The following VCPIP1 variants were observed in gnomAD, a reference collection of about 807,000 sequenced individuals.
The protein encoded by VCPIP1 is valosin containing protein interacting protein 1, also known as deubiquitinating protein VCPIP1.
A neutral mutation model predicts 85.0 loss-of-function variants in VCPIP1; 8 were observed. The ratio of observed to expected loss-of-function variants is 0.09; its 90% confidence interval spans 0.06 to 0.17. The LOEUF is 0.17. VCPIP1 is among the 10% of genes least tolerant of loss of function. The pLI, the probability that VCPIP1 is intolerant of heterozygous loss-of-function variation, is 1.00. For missense variants in VCPIP1, 1,070 were observed against 1,486.3 expected (o/e 0.72, Z 4.61); for synonymous variants, 543 against 544.5 (o/e 1.00, Z 0.04).
Position 66,667,217 on chromosome 8 carries a change from C to T in VCPIP1, c.-259G>A. On this transcript the variant is annotated 5_prime_UTR_variant, in exon 1 of 3. Coordinates refer to ENST00000310421, the MANE Select transcript of VCPIP1 (RefSeq NM_025054.5). Reference sequence around the variant, plus strand: ...ACTCACACTCACTCACTCTCGCTCTCTCTCCCTCAGACACAGACATACACG... The same window carrying T: ...ACTCACACTCACTCACTCTCGCTCTTTCTCCCTCAGACACAGACATACACG... 2 of 643,562 alleles carry T rather than the reference C, an allele frequency of 3.1e-6. No homozygotes were observed. The highest frequency in any genetic ancestry group is 4.9e-6 in the Non-Finnish European group (2 of 411,122). 39.9% of individuals were successfully genotyped at this position (643,562 alleles called of 1,614,324 possible).
chr8:66,644,554 A>G (rs1234449023), intron 2 of VCPIP1, among the ~76,000 whole-genome samples: 1 of 152,182 alleles, frequency 6.6e-6, no homozygotes, highest in East Asian at 1.9e-4. Flanking sequence ...TCAATCTTAC[A>G]AAAGGTATCT....
At chr8:66,637,564 T>G (rs1375197443) in intron 2 of VCPIP1, among the ~76,000 whole-genome samples, 1 of 147,562 alleles carries the variant, frequency 6.8e-6, no homozygotes, top group Non-Finnish European at 1.5e-5. Context: ...TGTTTAGGGG[T>G]TTTTTTTGGC....
chr8:66,643,334 A>C (rs995677801), intron 2 of VCPIP1, among the ~76,000 whole-genome samples: 1 of 150,430 alleles, frequency 6.6e-6, no homozygotes, highest in African/African-American at 2.5e-5. Context: ...GAAAGAAAAA[A>C]AAAAGATGTT....
chr8:66,666,167 A>G lies in VCPIP1; in HGVS notation c.792T>C (p.Ala264=). 1 of 1,614,192 alleles carries G rather than the reference A, an allele frequency of 6.2e-7. No homozygotes were observed. The highest frequency in any genetic ancestry group is 8.5e-7 in the Non-Finnish European group (1 of 1,180,040). ...ACTCATTGATAATGTCCTCCCACTC[A>G]GCAGCATCAATGAAGTCATGGAACA... ...QALFHDFIDA[A]EWEDIINECD... Residue 264 remains alanine, a synonymous_variant, in exon 1 of 3, where the codon GCT becomes GCC. Coordinates refer to ENST00000310421, the MANE Select transcript of VCPIP1 (RefSeq NM_025054.5). This position sits in a 1 kb window ranked among gnomAD's most constrained non-coding sequence, Gnocchi z 6.3.
chr8:66,643,507 G>A (rs901577878), intron 2 of VCPIP1, among the ~76,000 whole-genome samples: 110 of 151,214 alleles, frequency 7.3e-4, no homozygotes, highest in African/African-American at 2.6e-3. Context: ...TTCAAGACTG[G>A]CCTGGCTAAC....
intron 2 of VCPIP1, among the ~76,000 whole-genome samples, chr8:66,650,886 A>T (rs1351802823): frequency 1.3e-5 from 2 of 149,390 alleles, no homozygotes; most frequent in African/African-American, 4.9e-5. Flanking sequence ...AAAAAAAAAA[A>T]AAAGAATCAT....
rs1476779418 is a variant in VCPIP1, at chr8:66,664,940, G to T, written c.2019C>A (p.Ala673=). ...GTCCTTGAACATCTCCAACTCTTTG[G>T]GCGTGAGCACCATCTATATTTACAG... ...YTPVNIDGAH[A]QRVGDVQGQE... is the part of the protein sequence containing the mutation. The change falls in exon 1 of 3, where the codon GCC becomes GCA. Residue 673 remains alanine (A), a synonymous_variant. Transcript: ENST00000310421. 1 of 1,613,934 alleles carries T rather than the reference G, an allele frequency of 6.2e-7. No homozygotes were observed. Among genetic ancestry groups the T allele is most frequent in the East Asian group, 2.2e-5 (1 of 44,882 alleles).
In VCPIP1 at chr8:66,665,076, T is replaced by C. The variant is rs1811194919; in HGVS notation, c.1883A>G (p.Lys628Arg). The C allele has an allele frequency of 1.2e-6, 2 of 1,613,958 alleles. No homozygotes were observed. The highest frequency in any genetic ancestry group is 1.7e-6 in the Non-Finnish European group (2 of 1,179,980). The change falls in exon 1 of 3, where the codon AAA becomes AGA. Residue 628 changes from lysine to arginine, a missense_variant. This residue lies in a region of VCPIP1 where 123 missense variants were observed against 156.3 expected (regional missense o/e 0.79). Coordinates refer to ENST00000310421, the MANE Select transcript of VCPIP1 (RefSeq NM_025054.5). This position sits in a 1 kb window ranked among gnomAD's most constrained non-coding sequence, Gnocchi z 4.3. ...ACCTGGAAAGTGCTTGGTAACAAGT[T>C]TCATTGCAACATCGTAAACATTACT... is the stretch of plus-strand genomic sequence containing the variant. ...LNSNVYDVAMKLVTKHFPGEF... is the reference protein window; with the variant it reads ...LNSNVYDVAMRLVTKHFPGEF...
chr8:66,664,857 G>A lies in VCPIP1; in HGVS notation c.2102C>T (p.Thr701Ile). The A allele has an allele frequency of 1.2e-6, 2 of 1,614,060 alleles. No homozygotes were observed. Among genetic ancestry groups the A allele is most frequent in the Non-Finnish European group, 1.7e-6 (2 of 1,180,006 alleles). Residue 701 changes from threonine (T) to isoleucine (I), a missense_variant, in exon 1 of 3, where the codon ACT (threonine) becomes ATT (isoleucine). Physicochemically the swap from Thr to Ile is moderately conservative, Grantham distance 89. Around this residue, in one of 8 missense-constraint regions of VCPIP1, gnomAD observed 278 missense variants for 298.5 expected, o/e 0.93. Transcript: ENST00000310421. The part of the protein sequence containing the change: ...KIILTGQKTK[T>I]LHKEELNMSK... ...CATGTTTAACTCCTCCTTGTGCAAA[G>A]TTTTTGTTTTCTGTCCAGTAAGAAT...
chr8:66,666,932 A>AGGCGGC lies in VCPIP1; in HGVS notation c.21_26dup (p.Pro9_Pro10dup), dbSNP rs760029763. 2.0e-4 allele frequency: 311 copies of AGGCGGC among 1,581,348 alleles called. 1 individual carries two copies. The East Asian group carries it at 5.7e-3, about 29-fold the overall frequency. On this transcript the variant is annotated inframe_insertion, in exon 1 of 3. Coordinates refer to ENST00000310421, the MANE Select transcript of VCPIP1 (RefSeq NM_025054.5). The surrounding 1 kb of genome is among the most constrained non-coding windows in gnomAD (Gnocchi z 6.3). ...GGGGAGGAGGTGGCGGCGGCAACGG[A>AGGCGGC]GGCGGCGGCGGCGGCGGCTGAGACA...
At chr8:66,661,976 C>A (rs1811162724) in intron 1 of VCPIP1, among the ~76,000 whole-genome samples, 1 of 151,348 alleles carries the variant, frequency 6.6e-6, no homozygotes, top group South Asian at 2.1e-4. Context: ...ACCATCTTAG[C>A]CAGGATGGTC....
intron 1 of VCPIP1, among the ~76,000 whole-genome samples, chr8:66,659,437 T>C (rs1811134663): frequency 6.6e-6 from 1 of 152,180 alleles, no homozygotes; most frequent in Non-Finnish European, 1.5e-5. Context: ...ATATTATGGG[T>C]AAAATATTGT....
intron 1 of VCPIP1, among the ~76,000 whole-genome samples, chr8:66,656,594 TTTTA>T (rs2130174677): frequency 6.6e-6 from 1 of 152,290 alleles, no homozygotes. Context: ...TGAAATGTAT[TTTTA>T]TTTATTTATT....
intron 1 of VCPIP1, among the ~76,000 whole-genome samples, chr8:66,659,907 A>G (rs1811139655): frequency 6.6e-6 from 1 of 152,082 alleles, no homozygotes; most frequent in African/African-American, 2.4e-5. Flanking sequence ...GCTGGGCGAC[A>G]ATCTGTCTCC....
In VCPIP1 at chr8:66,630,579, TTTC is replaced by T. The variant is rs1810824414; in HGVS notation, c.*3919_*3921del. On this transcript the variant is annotated 3_prime_UTR_variant, in exon 3 of 3. Transcript: ENST00000310421. ...AGCAGGTAACATCAACTAAAACTTT[TTTC>T]TTTACTAATTTTTCCTTTTCTTTTA... The T allele has an allele frequency of 6.6e-6, 1 of 152,616 alleles. No individual in the cohort carries two copies. Among genetic ancestry groups the T allele is most frequent in the African/African-American group, 2.4e-5 (1 of 41,462 alleles). The allele number at this position is 152,616 out of a possible 1,614,324, so 9.5% of individuals were successfully genotyped here.
At chr8:66,645,203 G>A (rs1436974434) in intron 2 of VCPIP1, among the ~76,000 whole-genome samples, 2 of 150,870 alleles carry the variant, frequency 1.3e-5, no homozygotes, top group Non-Finnish European at 3.0e-5. Context: ...GGCAGATCAC[G>A]AGTCAGGAGT....
chr8:66,644,710 A>C (rs1001130338), intron 2 of VCPIP1, among the ~76,000 whole-genome samples: 1 of 152,080 alleles, frequency 6.6e-6, no homozygotes, highest in African/African-American at 2.4e-5. Context: ...GATGATCTAC[A>C]TAGACAAGGA....
At chr8:66,645,119 G>C (rs964595266) in intron 2 of VCPIP1, among the ~76,000 whole-genome samples, 1 of 56,042 alleles carries the variant, frequency 1.8e-5, no homozygotes, top group South Asian at 5.6e-4. Flanking sequence ...CTGTATCCAA[G>C]AAAAAAAAAA....
Position 66,630,325 on chromosome 8 carries a change from C to T in VCPIP1, c.*4176G>A, listed in dbSNP as rs759744825. The T allele has an allele frequency of 2.0e-5, 3 of 152,342 alleles. No individual in the cohort carries two copies. The highest frequency in any genetic ancestry group is 7.2e-5 in the African/African-American group (3 of 41,448). 9.4% of individuals were successfully genotyped at this position (152,342 alleles called of 1,614,324 possible). A position where few individuals can be genotyped will look rare whatever the true frequency, so the allele number is the denominator to read the frequency against. On this transcript the variant is annotated 3_prime_UTR_variant, in exon 3 of 3. Coordinates refer to ENST00000310421, the MANE Select transcript of VCPIP1 (RefSeq NM_025054.5). ...CTTGCTATTTTTCTAAATATTTACA[C>T]TATTACTGCTTATGTTTACAAATTC...
Sources: allele counts gnomAD v4.1 joint callset (sites outside exome capture counted in the v4.1 genomes callset), GRCh38; gene constraint gnomAD v4.1.1; regional missense constraint gnomAD v4.1.1; non-coding constraint Gnocchi (gnomAD v3.1); transcripts MANE v1.5; gene names NCBI Gene and HGNC (gene_info 2026-07-23, HGNC 2026-07-21).